The following CFAP54 variants were observed in gnomAD, a reference collection of about 807,000 sequenced individuals.
The protein encoded by CFAP54 is cilia and flagella associated protein 54, also known as cilia- and flagella-associated protein 54.
Under a neutral mutation model 370.4 loss-of-function variants are expected in CFAP54, and 290 were observed. The observed-to-expected ratio is 0.78, with a 90% confidence interval of 0.71 to 0.86. The LOEUF (loss-of-function observed/expected upper bound fraction) is 0.86. CFAP54 is among the 40% of genes least tolerant of loss of function. CFAP54 has a pLI of 0.00. For synonymous variants in CFAP54, 1,206 were observed against 1,236.5 expected, an observed-to-expected ratio of 0.98 and a Z score of 0.52; for missense variants, 3,399 against 3,528.7, an observed-to-expected ratio of 0.96 and a Z score of 0.93.
chr12:96,559,754 C>T (rs1955796468), intron 17 of CFAP54, among the ~76,000 whole-genome samples: 1 of 152,002 alleles, frequency 6.6e-6, no homozygotes, highest in African/African-American at 2.4e-5. Flanking sequence ...TAGCATTTGT[C>T]AGCTAATAAT....
intron 17 of CFAP54, among the ~76,000 whole-genome samples, chr12:96,562,495 C>G (rs1046077463): frequency 3.2e-4 from 47 of 147,266 alleles, no homozygotes; most frequent in African/African-American, 1.0e-3. Context: ...GACGTTATCT[C>G]AGCTCACTGG....
intron 13 of CFAP54, among the ~76,000 whole-genome samples, chr12:96,539,049 G>A (rs1488086730): frequency 2.8e-5 from 4 of 140,766 alleles, no homozygotes; most frequent in Non-Finnish European, 4.6e-5. Flanking sequence ...GAGCCACCAC[G>A]CCCGGCCTTT....
At chr12:96,515,977 G>A (rs1955228802) in intron 5 of CFAP54, among the ~76,000 whole-genome samples, 1 of 146,246 alleles carries the variant, frequency 6.8e-6, no homozygotes, top group Admixed American at 7.0e-5. Flanking sequence ...GTGCAGTGGC[G>A]CGGTCTTGGC....
intron 2 of CFAP54, 134 bp downstream of exon 2, chr12:96,501,073 A>T (rs1004535080): frequency 1.9e-6 from 1 of 538,210 alleles, no homozygotes; most frequent in Non-Finnish European, 3.1e-6. Context: ...GTACATAAAA[A>T]TTTTAATAAG....
chr12:96,647,823 T>A lies in CFAP54; in HGVS notation c.4548-52T>A, dbSNP rs2136498121. On this transcript the variant is annotated intron_variant, in intron 33 of 67. Coordinates refer to ENST00000524981, the MANE Select transcript of CFAP54 (RefSeq NM_001306084.2). ...AAAAATAGATTGCATTTGACAGATT[T>A]AATTCAATTTTGCTTATATTGTTTT... 4 of 1,402,302 alleles carry A rather than the reference T, an allele frequency of 2.9e-6. No individual in the cohort carries two copies. In the East Asian group the frequency reaches 1.1e-4, roughly 38 times the overall value. 86.9% of individuals were successfully genotyped at this position (1,402,302 alleles called of 1,614,324 possible). A position where few individuals can be genotyped will look rare whatever the true frequency, so the allele number is the denominator to read the frequency against.
chr12:96,548,099 A>G, intron 15 of CFAP54, 121 bp downstream of exon 15: 1 of 489,564 alleles, frequency 2.0e-6, no homozygotes, highest in Non-Finnish European at 3.5e-6. Context: ...AAATTTGAGG[A>G]TTATATGGCT....
intron 67 of CFAP54, among the ~76,000 whole-genome samples, chr12:96,864,524 T>C (rs1157320547): frequency 1.3e-5 from 2 of 152,098 alleles, no homozygotes; most frequent in African/African-American, 4.8e-5. Context: ...AAGTGGTAAA[T>C]TTCTGGAGAG....
chr12:96,873,896 G>A (rs1383368042), intron 67 of CFAP54, among the ~76,000 whole-genome samples: 3 of 152,060 alleles, frequency 2.0e-5, no homozygotes, highest in African/African-American at 4.8e-5. Context: ...ATTTTACCTG[G>A]GGGCTATGAT....
chr12:96,764,311 A>C, intron 59 of CFAP54, 62 bp downstream of exon 59: 3 of 1,257,570 alleles, frequency 2.4e-6, no homozygotes, highest in Non-Finnish European at 2.3e-6. Flanking sequence ...CTGCCTTTAA[A>C]GAACACAATA....
chr12:96,747,363 G>T (rs1958128466), intron 55 of CFAP54, among the ~76,000 whole-genome samples: 1 of 152,132 alleles, frequency 6.6e-6, no homozygotes, highest in South Asian at 2.1e-4. Context: ...GATGTTTATT[G>T]TCTTCTTTTT....
intron 50 of CFAP54, among the ~76,000 whole-genome samples, chr12:96,724,469 G>A (rs1957803449): frequency 6.6e-6 from 1 of 152,204 alleles, no homozygotes; most frequent in Non-Finnish European, 1.5e-5. Context: ...CTGCATAAAT[G>A]TCTTCTTTTG....
intron 52 of CFAP54, among the ~76,000 whole-genome samples, chr12:96,743,073 G>A (rs1958070216): frequency 6.6e-6 from 1 of 152,096 alleles, no homozygotes; most frequent in Non-Finnish European, 1.5e-5. Flanking sequence ...TTAGATCACA[G>A]CTTGGCACAT....
chr12:96,504,982 TTTC>T (rs1384705122), intron 3 of CFAP54, among the ~76,000 whole-genome samples: 1 of 148,710 alleles, frequency 6.7e-6, no homozygotes, highest in African/African-American at 2.5e-5. Flanking sequence ...TTTCCCTTTC[TTTC>T]TTCTTTCTTT....
chr12:96,621,877 T>TTTTG (rs1416571081), intron 27 of CFAP54, among the ~76,000 whole-genome samples, 156 bp downstream of exon 27: 13 of 31,638 alleles, frequency 4.1e-4, no homozygotes, highest in East Asian at 4.4e-4. Flanking sequence ...TTGGGTTTGT[T>TTTTG]TTTTTTTTTT....
chr12:96,637,719 A>G (rs987309884), intron 32 of CFAP54, among the ~76,000 whole-genome samples: 3 of 152,242 alleles, frequency 2.0e-5, no homozygotes, highest in South Asian at 2.1e-4. Flanking sequence ...GATTCTATAC[A>G]TTTAAAAATC....
At chr12:96,795,724 G>A (rs1214545573) in intron 63 of CFAP54, among the ~76,000 whole-genome samples, 1 of 152,096 alleles carries the variant, frequency 6.6e-6, no homozygotes, top group Non-Finnish European at 1.5e-5. Flanking sequence ...AAGAAAAAAA[G>A]CAGGACTTTC....
In CFAP54 at chr12:96,644,355, A is replaced by G; in HGVS notation, c.4494A>G (p.Gln1498=). The G allele has an allele frequency of 2.0e-6, 3 of 1,536,020 alleles. No homozygotes were observed. Among genetic ancestry groups the G allele is most frequent in the Non-Finnish European group, 2.6e-6 (3 of 1,146,818 alleles). The change falls in exon 33 of 68, where the codon CAA becomes CAG. Residue 1498 remains glutamine (Q), a synonymous_variant. Coordinates refer to ENST00000524981, the MANE Select transcript of CFAP54 (RefSeq NM_001306084.2). ...LAGAHFNLVL[Q]KLWECTKMKF... is the part of the protein sequence containing the mutation. ...GTGCACACTTTAACCTGGTTTTACA[A>G]AAGCTATGGGAGTGTACGAAGATGA...
chr12:96,526,912 T>C (rs1955389056), intron 8 of CFAP54, among the ~76,000 whole-genome samples: 1 of 125,228 alleles, frequency 8.0e-6, no homozygotes, highest in African/African-American at 3.0e-5. Context: ...TTTTTTTGCC[T>C]GAGACAGGGT....
Position 96,538,380 on chromosome 12 carries a change from T to C in CFAP54, c.1792-4T>C. The C allele has an allele frequency of 6.5e-7, 1 of 1,532,940 alleles. No homozygotes were observed. Among genetic ancestry groups the C allele is most frequent in the African/African-American group, 1.4e-5 (1 of 73,026 alleles). 95.0% of individuals were successfully genotyped at this position (1,532,940 alleles called of 1,614,324 possible). On this transcript the variant is annotated splice_polypyrimidine_tract_variant and splice_region_variant and intron_variant, in intron 12 of 67. Coordinates refer to ENST00000524981, the MANE Select transcript of CFAP54 (RefSeq NM_001306084.2). ...CTCATTTACCTTCTCACTTTTGTTTTTAGGATGTTCAACCTGATAAAGAAA... is the reference window on the plus strand; with the variant it reads ...CTCATTTACCTTCTCACTTTTGTTTCTAGGATGTTCAACCTGATAAAGAAA...
Sources: gnomAD v4.1 joint callset for allele counts (sites outside exome capture counted in the v4.1 genomes callset) on GRCh38, gnomAD v4.1.1 for gene constraint, MANE v1.5 for transcripts, NCBI Gene and HGNC (gene_info 2026-07-23, HGNC 2026-07-21) for gene names.